Variants in PSD3 observed in about 807,000 individuals in gnomAD.
PSD3 encodes the protein PH and SEC7 domain-containing protein 3.
Under a neutral mutation model 105.5 loss-of-function variants are expected in PSD3, and 49 were observed. The ratio of observed to expected loss-of-function variants is 0.46; its 90% CI spans 0.37 to 0.59. The LOEUF is 0.59. PSD3 is among the 20% of genes least tolerant of loss of function. The pLI is 0.00. For missense variants in PSD3, 1,561 were observed against 1,263.8 expected (o/e 1.24, Z -3.57); for synonymous variants, 557 against 457.8 (o/e 1.22, Z -2.77).
chr8:18,879,041 CACACACACAA>C (rs1160085026), intron 2 of PSD3, among the ~76,000 whole-genome samples: 8 of 145,666 alleles, frequency 5.5e-5, no homozygotes, highest in Admixed American at 7.1e-5. Context: ...CAAACAAACA[CACACACACAA>C]ACACACACAC....
At chr8:18,714,331 A>C (rs1802442060) in intron 9 of PSD3, among the ~76,000 whole-genome samples, 1 of 152,164 alleles carries the variant, frequency 6.6e-6, no homozygotes. Flanking sequence ...CTATCATCAC[A>C]GCAAACATTC....
At chr8:18,623,338 G>A (rs2130723433) in intron 11 of PSD3, among the ~76,000 whole-genome samples, 1 of 151,390 alleles carries the variant, frequency 6.6e-6, no homozygotes, top group South Asian at 2.1e-4. Context: ...TAGGCCAGGA[G>A]CAGTGGCTTA....
intron 1 of PSD3, among the ~76,000 whole-genome samples, chr8:19,010,315 G>A (rs1826894079): frequency 6.6e-6 from 1 of 152,140 alleles, no homozygotes; most frequent in Non-Finnish European, 1.5e-5. Context: ...CTCCCCACTA[G>A]GCACCAACTG....
At chr8:18,725,473 G>A (rs543021893) in intron 9 of PSD3, among the ~76,000 whole-genome samples, 88 of 152,112 alleles carry the variant, frequency 5.8e-4, no homozygotes, top group Middle Eastern at 3.4e-3. Context: ...TCCTTCAAGC[G>A]GGCTAGCTTT....
At chr8:18,900,644 T>G (rs1386815104) in intron 2 of PSD3, among the ~76,000 whole-genome samples, 1 of 34,422 alleles carries the variant, frequency 2.9e-5, no homozygotes. Flanking sequence ...GAGACAACTC[T>G]TTTTTTTTTT....
intron 15 of PSD3, among the ~76,000 whole-genome samples, chr8:18,551,554 T>C (rs543020934): frequency 5.9e-5 from 9 of 152,348 alleles, no homozygotes; most frequent in African/African-American, 2.2e-4. Context: ...AAGAAATTTA[T>C]AAGTTTTGTT....
chr8:18,856,963 A>C (rs989303886), intron 4 of PSD3, among the ~76,000 whole-genome samples: 3 of 152,186 alleles, frequency 2.0e-5, no homozygotes, highest in African/African-American at 7.2e-5. Context: ...AATTTGAACC[A>C]AAGCACTCCG....
chr8:18,642,702 T>A (rs1390626137), intron 10 of PSD3, among the ~76,000 whole-genome samples: 1 of 152,170 alleles, frequency 6.6e-6, no homozygotes, highest in African/African-American at 2.4e-5. Context: ...GATAACAATA[T>A]TTGTAAAGTA....
intron 4 of PSD3, among the ~76,000 whole-genome samples, chr8:18,848,038 G>A (rs571042947): frequency 6.6e-6 from 1 of 151,962 alleles, no homozygotes; most frequent in South Asian, 2.1e-4. Context: ...AGAGGGGAAG[G>A]AACACGTGTC....
chr8:18,840,447 C>G (rs1814526513), intron 4 of PSD3, among the ~76,000 whole-genome samples: 1 of 152,212 alleles, frequency 6.6e-6, no homozygotes, highest in Non-Finnish European at 1.5e-5. Context: ...CTATCATGAG[C>G]TTTCATTTGT....
intron 9 of PSD3, among the ~76,000 whole-genome samples, chr8:18,694,210 C>G (rs971013353): frequency 6.6e-6 from 1 of 152,200 alleles, no homozygotes; most frequent in Non-Finnish European, 1.5e-5. Context: ...CCCACCACAC[C>G]CACCTGAGCC....
At chr8:18,941,599 C>A (rs1437154555) in intron 1 of PSD3, among the ~76,000 whole-genome samples, 1 of 151,762 alleles carries the variant, frequency 6.6e-6, no homozygotes, top group Non-Finnish European at 1.5e-5. Context: ...CGTTATCCAA[C>A]TCGCAACATT....
chr8:19,061,421 G>A (rs538301560), intron 1 of PSD3, among the ~76,000 whole-genome samples: 19 of 152,172 alleles, frequency 1.2e-4, no homozygotes, highest in African/African-American at 4.1e-4. Flanking sequence ...CAAGTATGTC[G>A]ATTGCAAATA....
At chr8:18,609,492 T>C (rs1340566330) in intron 11 of PSD3, among the ~76,000 whole-genome samples, 5 of 152,254 alleles carry the variant, frequency 3.3e-5, no homozygotes, top group Non-Finnish European at 7.3e-5. Flanking sequence ...AGACATCATC[T>C]ATACTAGCTG....
chr8:18,721,199 T>A (rs901159117), intron 9 of PSD3: 2 of 151,908 alleles, frequency 1.3e-5, no homozygotes, highest in South Asian at 2.1e-4. Context: ...ACAAGGTGTG[T>A]GCAATTTCTG....
At chr8:18,961,864 C>T (rs1454130704) in intron 1 of PSD3, among the ~76,000 whole-genome samples, 1 of 152,156 alleles carries the variant, frequency 6.6e-6, no homozygotes, top group Non-Finnish European at 1.5e-5. Flanking sequence ...TCCTCCACTA[C>T]ATAGCACTCA....
chr8:18,953,152 A>T (rs1257354119), intron 1 of PSD3, among the ~76,000 whole-genome samples: 2 of 152,220 alleles, frequency 1.3e-5, no homozygotes, highest in Non-Finnish European at 2.9e-5. Context: ...CACAGGTTAA[A>T]ACAAAGTCAC....
At chr8:18,612,803 G>A (rs942455165) in intron 11 of PSD3, among the ~76,000 whole-genome samples, 1 of 152,178 alleles carries the variant, frequency 6.6e-6, no homozygotes, top group Non-Finnish European at 1.5e-5. Context: ...TGACATTGGA[G>A]ATATCAAACA....
chr8:18,732,931 GCC>G (rs1803875048), intron 9 of PSD3: 1 of 151,892 alleles, frequency 6.6e-6, no homozygotes, highest in African/African-American at 2.4e-5. Context: ...GAAGTACCTT[GCC>G]TACACACGCC....
Sources: allele counts gnomAD v4.1 joint callset (sites outside exome capture counted in the v4.1 genomes callset), GRCh38; gene constraint gnomAD v4.1.1; transcripts MANE v1.5; gene names NCBI Gene and HGNC (gene_info 2026-07-23, HGNC 2026-07-21).